Variants in ZNF841 observed in about 807,000 individuals in gnomAD.
ZNF841 encodes TCONS_00006091.
ZNF841 carries 11 observed loss-of-function variants against 13.0 expected under a neutral mutation model. That is an observed-to-expected ratio of 0.85 (90% CI 0.53 to 1.40). The LOEUF (loss-of-function observed/expected upper bound fraction) is 1.40. Among genes scored for constraint, ZNF841 ranks in the 40% most tolerant of loss-of-function variants. ZNF841 has a pLI of 0.00. For missense variants in ZNF841, 1,068 were observed against 1,139.5 expected, an observed-to-expected ratio of 0.94 and a Z score of 0.90; for synonymous variants, 369 against 381.6, an observed-to-expected ratio of 0.97 and a Z score of 0.38.
At position 52,077,750 on chromosome 19, in the gene ZNF841, C is replaced by T. The variant is rs548580718; in HGVS notation, c.16-666G>A. Among the ~76,000 whole-genome samples, 4 of 152,288 alleles carry T rather than the reference C, an allele frequency of 2.6e-5. No individual in the cohort carries two copies. The South Asian group carries it at 8.3e-4, about 32-fold the overall frequency. On this transcript the variant is annotated intron_variant, in intron 4 of 6. Transcript: ENST00000594440. ...GTTATATTACAGAGTATGTCCTAGT[C>T]TTTCTGTGTGGCTATAACGAAATAA...
intron 3 of ZNF841, among the ~76,000 whole-genome samples, chr19:52,086,649 CAAG>C (rs953653368): frequency 6.6e-6 from 1 of 152,206 alleles, no homozygotes; most frequent in Admixed American, 6.5e-5. Context: ...TGGACAGAAA[CAAG>C]AAGAGGTTCA....
chr19:52,061,586 G>A (rs1462601274), downstream of ZNF841, among the ~76,000 whole-genome samples: 6 of 151,232 alleles, frequency 4.0e-5, no homozygotes, highest in East Asian at 3.9e-4. Flanking sequence ...TGCTCTCATC[G>A]CCCAGGCTGG....
chr19:52,067,467 G>A lies in ZNF841; in HGVS notation c.415C>T (p.Gln139Ter). Residue 139 changes from glutamine to a stop codon, truncating the protein, a stop_gained, in exon 7 of 7, where the codon CAG (glutamine) becomes TAG (stop). Coordinates refer to ENST00000594440, the MANE Select transcript of ZNF841 (RefSeq NM_001136499.2). LOFTEE classifies it low-confidence loss of function (END_TRUNC). ...TCTTTCCATTGAAAGTCAACTTCCT[G>A]TAGATTTTTCCGGATTTCCCTGAAG... ...FYFREIRKNL[Q>*]EVDFQWKDGE... 1.3e-6 allele frequency: 2 copies of A among 1,557,048 alleles called. No homozygotes were observed. Among genetic ancestry groups the A allele is most frequent in the East Asian group, 4.8e-5 (2 of 41,436 alleles).
chr19:52,069,049 G>T (rs1325678714), intron 6 of ZNF841, among the ~76,000 whole-genome samples: 1 of 152,146 alleles, frequency 6.6e-6, no homozygotes, highest in Non-Finnish European at 1.5e-5. Context: ...ACAAACAACA[G>T]AGCAAGTCCC....
the ZNF841 span, among the ~76,000 whole-genome samples, chr19:52,059,390 T>TATATATATATATAC: frequency 0.011 from 1,018 of 95,612 alleles, 11 homozygotes; most frequent in East Asian, 0.031. Flanking sequence ...TATATATATA[T>TATATATATATATAC]ACACACACAC....
chr19:52,067,939 T>A (rs918360790), intron 6 of ZNF841, among the ~76,000 whole-genome samples: 4 of 152,108 alleles, frequency 2.6e-5, no homozygotes, highest in Non-Finnish European at 4.4e-5. Context: ...AGTAAACATA[T>A]GGCTCCCTCA....
chr19:52,078,569 G>C (rs561853052), intron 4 of ZNF841, among the ~76,000 whole-genome samples: 1 of 151,590 alleles, frequency 6.6e-6, no homozygotes, highest in African/African-American at 2.4e-5. Context: ...TGTGGTGGCC[G>C]GCGCCTGTAA....
chr19:52,064,323 C>A (rs375514330), downstream of ZNF841: 1 of 135,674 alleles, frequency 7.4e-6, no homozygotes, highest in African/African-American at 2.7e-5. Flanking sequence ...TCCGCAGTCC[C>A]GCCTGGGCGA....
At chr19:52,089,759 T>C (rs1174964461) in intron 2 of ZNF841, among the ~76,000 whole-genome samples, 1 of 152,208 alleles carries the variant, frequency 6.6e-6, no homozygotes, top group African/African-American at 2.4e-5. Context: ...CTTGCTCTTA[T>C]AACCACACTT....
intron 6 of ZNF841, among the ~76,000 whole-genome samples, chr19:52,074,347 T>C (rs1398591720): frequency 6.6e-6 from 1 of 152,170 alleles, no homozygotes; most frequent in Non-Finnish European, 1.5e-5. Flanking sequence ...TTAAAACGAA[T>C]TTTGTGGACT....
At chr19:52,089,929 C>T (rs963694538) in intron 2 of ZNF841, among the ~76,000 whole-genome samples, 5 of 152,096 alleles carry the variant, frequency 3.3e-5, no homozygotes, top group African/African-American at 1.2e-4. Context: ...TGGGCACATG[C>T]AACACAGCAG....
chr19:52,064,263 G>A (rs549620762), downstream of ZNF841, among the ~76,000 whole-genome samples: 19 of 147,104 alleles, frequency 1.3e-4, no homozygotes, highest in East Asian at 1.7e-3. Flanking sequence ...GGAGAATGGC[G>A]TGAACCCAGG....
chr19:52,059,834 C>G (rs2123181308), downstream of ZNF841, among the ~76,000 whole-genome samples: 1 of 152,262 alleles, frequency 6.6e-6, no homozygotes, highest in South Asian at 2.1e-4. Flanking sequence ...CCTTTGCAAA[C>G]CTCTACCTTT....
chr19:52,061,950 C>T (rs1027966344), downstream of ZNF841, among the ~76,000 whole-genome samples: 1 of 152,158 alleles, frequency 6.6e-6, no homozygotes, highest in South Asian at 2.1e-4. Context: ...GGAGCAAACA[C>T]TGGGGACCCT....
intron 6 of ZNF841, among the ~76,000 whole-genome samples, chr19:52,070,614 A>G (rs951388838): frequency 1.3e-5 from 2 of 152,204 alleles, no homozygotes; most frequent in Non-Finnish European, 2.9e-5. Flanking sequence ...CATTCATGAT[A>G]AACAGTTTGC....
chr19:52,074,837 A>G (rs2087848051), intron 6 of ZNF841, among the ~76,000 whole-genome samples: 1 of 152,138 alleles, frequency 6.6e-6, no homozygotes, highest in Non-Finnish European at 1.5e-5. Context: ...TTCCTACACC[A>G]TTCACTGCTA....
chr19:52,066,669 C>T lies in ZNF841; in HGVS notation c.1213G>A (p.Glu405Lys), dbSNP rs749467075. ...TTCCGTTTAAAGGTTTTGCCACATTCATTACATTTGTAGGGTTTGTCTCCA... is the reference window on the plus strand; with the variant it reads ...TTCCGTTTAAAGGTTTTGCCACATTTATTACATTTGTAGGGTTTGTCTCCA... ...HTGDKPYKCN[E>K]CGKTFKRNSS... Residue 405 changes from glutamate to lysine, a missense_variant, in exon 7 of 7, where the codon GAA becomes AAA. Transcript: ENST00000594440. 1.2e-6 allele frequency: 2 copies of T among 1,612,528 alleles called. No homozygotes were observed. The highest frequency in any genetic ancestry group is 2.2e-5 in the South Asian group (2 of 90,922).
chr19:52,071,885 C>T (rs75286393), intron 6 of ZNF841, among the ~76,000 whole-genome samples: 2,261 of 152,226 alleles, frequency 0.015, 35 homozygotes, highest in Non-Finnish European at 0.024. Flanking sequence ...GTTTATACTC[C>T]ACAGTCAAAA....
In ZNF841 at chr19:52,065,307, C is replaced by CA; in HGVS notation, c.2574dup (p.Gly859TrpfsTer8). The CA allele has an allele frequency of 6.2e-7, 1 of 1,612,374 alleles. No individual in the cohort carries two copies. Among genetic ancestry groups the CA allele is most frequent in the Non-Finnish European group, 8.5e-7 (1 of 1,179,016 alleles). Reference sequence around the variant, plus strand: ...TGTTTAGTGAGGCAAGACCGCCGCCCAAACGCCTTGCCACATTCCATACAT... The same window carrying CA: ...TGTTTAGTGAGGCAAGACCGCCGCCCAAAACGCCTTGCCACATTCCATACAT... On this transcript the variant is annotated frameshift_variant, in exon 7 of 7. Coordinates refer to ENST00000594440, the MANE Select transcript of ZNF841 (RefSeq NM_001136499.2). LOFTEE classifies it low-confidence loss of function (END_TRUNC).
Sources: gnomAD v4.1 joint callset for allele counts (sites outside exome capture counted in the v4.1 genomes callset) on GRCh38, gnomAD v4.1.1 for gene constraint, MANE v1.5 for transcripts, NCBI Gene and HGNC (gene_info 2026-07-23, HGNC 2026-07-21) for gene names.